The following GET4 variants were observed in gnomAD, a reference collection of about 807,000 sequenced individuals.
GET4 encodes guided entry of tail-anchored proteins factor 4, also known as Golgi to ER traffic protein 4 homolog.
A neutral mutation model predicts 40.0 loss-of-function variants in GET4; 20 were observed. The observed-to-expected ratio is 0.50, with a 90% CI of 0.35 to 0.73. The LOEUF is 0.73. Among genes scored for constraint, GET4 ranks in the 30% least tolerant of loss-of-function variants. The pLI is 0.01. For synonymous variants in GET4, 280 were observed against 194.6 expected (o/e 1.44, Z -3.65); for missense variants, 557 against 454.0 (o/e 1.23, Z -2.06).
chr7:890,885 T>G (rs767301127), intron 4 of GET4, 43 bp from the exon 5 acceptor site: 44 of 1,466,588 alleles, frequency 3.0e-5, no homozygotes, highest in Non-Finnish European at 4.2e-5. Flanking sequence ...TTCTGTGTTA[T>G]ATTCGTGAAA....
chr7:893,690 T>C (rs768958068), intron 6 of GET4, 50 bp from the exon 7 acceptor site: 13 of 1,230,620 alleles, frequency 1.1e-5, no homozygotes, highest in South Asian at 1.0e-4. Flanking sequence ...TGCAGGTGAG[T>C]GTGGTCCTGT....
rs114829302 is a variant in GET4 at position 878,002 on chromosome 7, C to G, written c.155+1202C>G. 2.5e-5 allele frequency: 6 copies of G among 240,066 alleles called. No individual in the cohort carries two copies. In the East Asian group the frequency reaches 4.3e-4, roughly 17 times the overall value. 14.9% of individuals were successfully genotyped at this position (240,066 alleles called of 1,614,324 possible). A position where few individuals can be genotyped will look rare whatever the true frequency, so the allele number is the denominator to read the frequency against. ...GGCCTTCAGGTTCTCCAGCCGGGCC[C>G]TACACCGGGCTCCGTAGGAAGTCGC... On this transcript the variant is annotated intron_variant, in intron 1 of 8. Transcript: ENST00000265857.
intron 1 of GET4, chr7:884,347 C>G (rs761009630): frequency 7.7e-7 from 1 of 1,303,770 alleles, no homozygotes; most frequent in African/African-American, 1.5e-5. Context: ...CTAGGACGGC[C>G]GGTCACAGAG....
chr7:891,343 C>G (rs1381301745), intron 5 of GET4, among the ~76,000 whole-genome samples: 3 of 152,352 alleles, frequency 2.0e-5, no homozygotes, highest in African/African-American at 7.2e-5. Context: ...GCCCTGTGGT[C>G]TCTGCTGTAC....
At chr7:892,119 T>G (rs370613951) in intron 5 of GET4, among the ~76,000 whole-genome samples, 159 bp from the exon 6 acceptor site, 26 of 152,380 alleles carry the variant, frequency 1.7e-4, no homozygotes, top group Non-Finnish European at 3.7e-4. Flanking sequence ...GCCCTGCACA[T>G]GAGGGAAGAC....
intron 8 of GET4, 96 bp from the exon 9 acceptor site, chr7:895,238 C>T: frequency 1.5e-6 from 1 of 654,740 alleles, no homozygotes; most frequent in South Asian, 1.9e-5. Flanking sequence ...TTCCATGGGA[C>T]ACTGGGACAC....
intron 1 of GET4, among the ~76,000 whole-genome samples, chr7:877,275 GTC>G (rs1843978335): frequency 8.5e-6 from 1 of 117,448 alleles, no homozygotes; most frequent in Non-Finnish European, 1.7e-5. Context: ...CCGGCCCCTC[GTC>G]TCTCTGTCCT....
At chr7:886,835 G>A (rs141650113) in intron 3 of GET4, among the ~76,000 whole-genome samples, 185 bp downstream of exon 3, 25 of 152,382 alleles carry the variant, frequency 1.6e-4, no homozygotes, top group African/African-American at 6.0e-4. Context: ...CCTGGCGCGA[G>A]CACACGGCAG....
intron 5 of GET4, among the ~76,000 whole-genome samples, chr7:891,970 C>T (rs1005934503): frequency 6.6e-6 from 1 of 152,212 alleles, no homozygotes; most frequent in African/African-American, 2.4e-5. Context: ...AGCGCCTGAC[C>T]GGTGCGGGCG....
At chr7:892,674 G>C (rs1033722006) in intron 6 of GET4, among the ~76,000 whole-genome samples, 6 of 150,572 alleles carry the variant, frequency 4.0e-5, no homozygotes, top group African/African-American at 1.5e-4. Context: ...GGGAGTGTAG[G>C]TGTTGGGCCT....
In GET4 at chr7:890,923, T is replaced by C; in HGVS notation, c.467-5T>C. 6.3e-7 allele frequency: 1 copy of C among 1,597,970 alleles called. No homozygotes were observed. The highest frequency in any genetic ancestry group is 8.6e-7 in the Non-Finnish European group (1 of 1,165,602). On this transcript the variant is annotated splice_region_variant and splice_polypyrimidine_tract_variant and intron_variant, in intron 4 of 8. Transcript: ENST00000265857. ...TATTTACATTTTTCTGTCTTTCCTTTGCAGAACAAAACTATTGTGAGTCGA... is the reference window on the plus strand; with the variant it reads ...TATTTACATTTTTCTGTCTTTCCTTCGCAGAACAAAACTATTGTGAGTCGA...
intron 7 of GET4, 37 bp from the exon 8 acceptor site, chr7:893,862 G>A: frequency 6.2e-7 from 1 of 1,610,352 alleles, no homozygotes; most frequent in East Asian, 2.2e-5. Context: ...CACGGTCTGG[G>A]TCCACCCCCT....
At chr7:877,518 C>T (rs1408052204) in intron 1 of GET4, among the ~76,000 whole-genome samples, 2 of 87,152 alleles carry the variant, frequency 2.3e-5, no homozygotes, top group African/African-American at 9.7e-5. Flanking sequence ...TCTCTCTCTT[C>T]CTGCTGCCCC....
chr7:887,130 TC>T (rs771248675), intron 3 of GET4: 13 of 674,400 alleles, frequency 1.9e-5, no homozygotes, highest in South Asian at 1.5e-4. Flanking sequence ...CACGGCACCT[TC>T]CCCAGCCCCC....
intron 5 of GET4, among the ~76,000 whole-genome samples, chr7:891,828 A>C (rs1010192008): frequency 5.9e-5 from 9 of 152,078 alleles, no homozygotes; most frequent in African/African-American, 2.2e-4. Flanking sequence ...CGCCGTGTAC[A>C]TGTTTTCTCT....
intron 8 of GET4, among the ~76,000 whole-genome samples, chr7:894,276 G>A (rs1232358780): frequency 6.6e-6 from 1 of 152,156 alleles, no homozygotes; most frequent in South Asian, 2.1e-4. Context: ...CGCCATGCTA[G>A]GTGGCCTCCG....
chr7:878,427 A>G (rs1054288651), intron 1 of GET4: 2 of 467,212 alleles, frequency 4.3e-6, no homozygotes, highest in Admixed American at 2.4e-5. Context: ...TGTTTTAAAG[A>G]TCATTTCAGA....
intron 4 of GET4, among the ~76,000 whole-genome samples, chr7:889,653 T>C (rs111610288): frequency 3.5e-4 from 40 of 114,900 alleles, no homozygotes; most frequent in East Asian, 7.5e-4. Flanking sequence ...GTGGAGGGAG[T>C]GTGAGCGGGT....
chr7:876,877 GC>G, intron 1 of GET4, 77 bp downstream of exon 1: 1 of 816,378 alleles, frequency 1.2e-6, no homozygotes, highest in Non-Finnish European at 1.5e-6. Context: ...CTCGCCCCGC[GC>G]CCCCATTGGG....
Sources: allele counts gnomAD v4.1 joint callset (sites outside exome capture counted in the v4.1 genomes callset), GRCh38; gene constraint gnomAD v4.1.1; transcripts MANE v1.5; gene names NCBI Gene and HGNC (gene_info 2026-07-23, HGNC 2026-07-21).